LRRC7: variants seen among roughly 807,000 people sequenced by gnomAD.
LRRC7 encodes leucine rich repeat containing 7.
LRRC7 carries 23 observed loss-of-function variants against 175.7 expected under a neutral mutation model. The ratio of observed to expected loss-of-function variants is 0.13; its 90% CI spans 0.09 to 0.19. The LOEUF is 0.19. Among genes scored for constraint, LRRC7 ranks in the 10% least tolerant of loss-of-function variants. The pLI is 1.00. For synonymous variants in LRRC7, 685 were observed against 680.9 expected, an observed-to-expected ratio of 1.01 and a Z score of -0.09; for missense variants, 1,354 against 1,904.7, an observed-to-expected ratio of 0.71 and a Z score of 5.38.
intron 1 of LRRC7, among the ~76,000 whole-genome samples, chr1:69,606,128 A>G (rs1396745258): frequency 3.3e-5 from 5 of 152,164 alleles, no homozygotes; most frequent in Admixed American, 2.0e-4. Flanking sequence ...AAATGCCCTT[A>G]GCATTCACAC....
chr1:69,737,181 A>G (rs533908295), intron 2 of LRRC7, among the ~76,000 whole-genome samples: 108 of 152,260 alleles, frequency 7.1e-4, no homozygotes, highest in African/African-American at 2.6e-3. Context: ...GTCCCCACCC[A>G]AATCTCATCT....
intron 1 of LRRC7, among the ~76,000 whole-genome samples, chr1:69,643,319 G>T (rs1279890984): frequency 6.6e-6 from 1 of 152,008 alleles, no homozygotes; most frequent in Non-Finnish European, 1.5e-5. Context: ...CCAGCTATCT[G>T]GGCATCCCTT....
At chr1:69,652,708 AT>A (rs1364598959) in intron 1 of LRRC7, among the ~76,000 whole-genome samples, 1 of 152,118 alleles carries the variant, frequency 6.6e-6, no homozygotes, top group African/African-American at 2.4e-5. Flanking sequence ...CAAAAAAAAA[AT>A]AATAATAACC....
rs1660861014 is a variant in LRRC7 at position 70,053,009 on chromosome 1, T to A, written c.4111-17T>A. ...TCTACTACATCACTAAAGAATGCCATACCATTTTTGCAATAGACCCCGTCC... is the reference window on the plus strand; with the variant it reads ...TCTACTACATCACTAAAGAATGCCAAACCATTTTTGCAATAGACCCCGTCC... On this transcript the variant is annotated splice_polypyrimidine_tract_variant and intron_variant, in intron 22 of 26. Coordinates refer to ENST00000651989, the MANE Select transcript of LRRC7 (RefSeq NM_001370785.2). The A allele has an allele frequency of 6.3e-7, 1 of 1,590,618 alleles. No individual in the cohort carries two copies. Among genetic ancestry groups the A allele is most frequent in the South Asian group, 1.2e-5 (1 of 85,746 alleles).
At chr1:70,001,027 T>G (rs1379770732) in intron 11 of LRRC7, among the ~76,000 whole-genome samples, 1 of 152,182 alleles carries the variant, frequency 6.6e-6, no homozygotes, top group Non-Finnish European at 1.5e-5. Context: ...AACCTATAAT[T>G]TTTATTTTGT....
In LRRC7 at chr1:69,794,615, G is replaced by A. The variant is rs538129761; in HGVS notation, c.421+2455G>A. On this transcript the variant is annotated intron_variant, in intron 4 of 26. Transcript: ENST00000651989. ...TATAATTTCTGAGAAATAGTATATG[G>A]ACAATTATCACATTCCTTGATTTTC... is the stretch of plus-strand genomic sequence containing the variant. Among the ~76,000 whole-genome samples, 4 of 152,222 alleles carry A rather than the reference G, an allele frequency of 2.6e-5. No individual in the cohort carries two copies. The East Asian group carries it at 7.7e-4, about 29-fold the overall frequency.
At chr1:69,589,065 T>A (rs1248856027) in intron 1 of LRRC7, among the ~76,000 whole-genome samples, 1 of 150,516 alleles carries the variant, frequency 6.6e-6, no homozygotes, top group Admixed American at 6.6e-5. Context: ...TTTGTTCATA[T>A]CAATATCTAA....
In LRRC7 at chr1:69,568,181, T is replaced by C. The variant is rs953910056; in HGVS notation, c.-459T>C. On this transcript the variant is annotated 5_prime_UTR_variant, in exon 1 of 27. Transcript: ENST00000651989. ...GCAACGGGCAGGGGTTGTTACGGAGTTGGGTGCAGGATTCGCCTTTCCTGC... is the reference window on the plus strand; with the variant it reads ...GCAACGGGCAGGGGTTGTTACGGAGCTGGGTGCAGGATTCGCCTTTCCTGC... 1.3e-5 allele frequency among the ~76,000 whole-genome samples: 2 copies of C among 151,690 alleles called. No individual in the cohort carries two copies. The highest frequency in any genetic ancestry group is 4.8e-5 in the African/African-American group (2 of 41,260).
chr1:69,862,514 G>A (rs904472623), intron 7 of LRRC7, among the ~76,000 whole-genome samples: 3 of 152,146 alleles, frequency 2.0e-5, no homozygotes, highest in African/African-American at 7.2e-5. Context: ...AGAACTAACA[G>A]TCATGTTCCC....
chr1:69,858,030 A>C (rs958664217), intron 7 of LRRC7, among the ~76,000 whole-genome samples: 10 of 152,188 alleles, frequency 6.6e-5, no homozygotes, highest in Admixed American at 2.0e-4. Context: ...CTATTTAATA[A>C]ATGGTGCTGG....
At position 70,122,576 on chromosome 1, in the gene LRRC7, A is replaced by T. The variant is rs2102247871; in HGVS notation, c.*689A>T. 1 of 152,188 alleles carries T rather than the reference A, an allele frequency of 6.6e-6. No individual in the cohort carries two copies. The highest frequency in any genetic ancestry group is 1.9e-4 in the East Asian group (1 of 5,190). The allele number at this position is 152,188 out of a possible 1,614,324, so 9.4% of individuals were successfully genotyped here. ...GAAATATTTCATAAATTAGCCATTT[A>T]TCTCTGGGACCCAAATAAAAATAGG... On this transcript the variant is annotated 3_prime_UTR_variant, in exon 27 of 27. Transcript: ENST00000651989.
At chr1:69,712,235 A>AACACACACAC (rs57948269) in intron 2 of LRRC7, among the ~76,000 whole-genome samples, 3 of 150,700 alleles carry the variant, frequency 2.0e-5, no homozygotes, top group East Asian at 2.0e-4. Flanking sequence ...TGAGAAAAAG[A>AACACACACAC]ACACACACAC....
chr1:69,969,781 T>C (rs1447187213), intron 8 of LRRC7, among the ~76,000 whole-genome samples: 4 of 152,082 alleles, frequency 2.6e-5, no homozygotes, highest in Non-Finnish European at 5.9e-5. Flanking sequence ...ACAAATAGAC[T>C]TAACATATAT....
intron 7 of LRRC7, among the ~76,000 whole-genome samples, chr1:69,906,898 A>T (rs1304025523): frequency 1.3e-5 from 2 of 152,070 alleles, no homozygotes; most frequent in Non-Finnish European, 2.9e-5. Flanking sequence ...ATGAGCATGG[A>T]ATGTTCTTCC....
chr1:69,768,580 T>C (rs771537536), intron 3 of LRRC7, among the ~76,000 whole-genome samples: 1 of 152,192 alleles, frequency 6.6e-6, no homozygotes, highest in Non-Finnish European at 1.5e-5. Context: ...AAAACATCAC[T>C]GTAAATATCT....
intron 4 of LRRC7, among the ~76,000 whole-genome samples, chr1:69,812,494 TTAATC>T (rs71071377): frequency 0.033 from 5,071 of 152,182 alleles, 106 homozygotes; most frequent in Non-Finnish European, 0.055. Flanking sequence ...TTCTTTAAGT[TTAATC>T]TAATTTAATA....
intron 7 of LRRC7, among the ~76,000 whole-genome samples, chr1:69,909,955 A>C (rs1397033356): frequency 6.6e-6 from 1 of 152,020 alleles, no homozygotes; most frequent in East Asian, 1.9e-4. Flanking sequence ...TATTTCTTGG[A>C]GGCTTTGTTT....
At chr1:70,074,675 A>G (rs926190500) in intron 23 of LRRC7, among the ~76,000 whole-genome samples, 1 of 152,198 alleles carries the variant, frequency 6.6e-6, no homozygotes, top group Non-Finnish European at 1.5e-5. Context: ...AAATTATACC[A>G]AGACAGTCAA....
intron 18 of LRRC7, among the ~76,000 whole-genome samples, chr1:70,028,707 G>C (rs111571409): frequency 0.011 from 1,727 of 152,116 alleles, 36 homozygotes; most frequent in African/African-American, 0.039. Flanking sequence ...CATTAAGAAA[G>C]ACTAATCCAA....
Sources: allele counts gnomAD v4.1 joint callset (sites outside exome capture counted in the v4.1 genomes callset), GRCh38; gene constraint gnomAD v4.1.1; transcripts MANE v1.5; gene names NCBI Gene and HGNC (gene_info 2026-07-23, HGNC 2026-07-21).